Variants in PTCHD4 observed in about 807,000 individuals in gnomAD.
PTCHD4 encodes patched domain-containing protein 4.
PTCHD4 carries 33 observed loss-of-function variants against 58.1 expected under a neutral mutation model. That is an observed-to-expected ratio of 0.57 (90% confidence interval 0.43 to 0.76). The LOEUF (loss-of-function observed/expected upper bound fraction) is 0.76, where lower values mean the gene tolerates loss of function less well. Among genes scored for constraint, PTCHD4 ranks in the 30% least tolerant of loss-of-function variants. PTCHD4 has a pLI of 0.00. For synonymous variants in PTCHD4, 478 were observed against 409.6 expected, an observed-to-expected ratio of 1.17 and a Z score of -2.02; for missense variants, 1,058 against 1,027.1, an observed-to-expected ratio of 1.03 and a Z score of -0.41.
Position 48,052,878 on chromosome 6 carries a change from C to T in PTCHD4, c.417+15352G>A, listed in dbSNP as rs78587154. Reference sequence around the variant, plus strand: ...TATGTATCAAGGGATTTATAATTGCCGTTTAAAAATAATAAAAGAGGGAGT... The same window carrying T: ...TATGTATCAAGGGATTTATAATTGCTGTTTAAAAATAATAAAAGAGGGAGT... On this transcript the variant is annotated intron_variant, in intron 3 of 4. Transcript: ENST00000339488. Among the ~76,000 whole-genome samples, 973 of 151,984 alleles carry T rather than the reference C, an allele frequency of 6.4e-3. 9 individuals carry two copies. Among genetic ancestry groups the T allele is most frequent in the African/African-American group, 0.022 (908 of 41,458 alleles).
chr6:48,008,513 T>C, intron 4 of PTCHD4, 121 bp downstream of exon 4: 2 of 1,176,472 alleles, frequency 1.7e-6, no homozygotes, highest in Non-Finnish European at 2.3e-6. Flanking sequence ...AGTAAAATTT[T>C]ATGTAATGAC....
chr6:47,947,694 A>G (rs1446584696), intron 4 of PTCHD4, among the ~76,000 whole-genome samples: 1 of 152,092 alleles, frequency 6.6e-6, no homozygotes, highest in African/African-American at 2.4e-5. Context: ...AGCTGCTTTT[A>G]AACCGTTTTC....
chr6:47,967,175 G>C (rs1767326573), intron 4 of PTCHD4, among the ~76,000 whole-genome samples: 2 of 152,184 alleles, frequency 1.3e-5, no homozygotes, highest in Admixed American at 1.3e-4. Context: ...AATAGATATT[G>C]TGTTAGTAAG....
intron 4 of PTCHD4, chr6:47,901,590 T>C: frequency 3.8e-6 from 4 of 1,049,918 alleles, no homozygotes; most frequent in Non-Finnish European, 3.5e-6. Context: ...CCAATTTAGT[T>C]TCCCATGAGA....
At chr6:48,098,413 G>A (rs934660918) in intron 1 of PTCHD4, among the ~76,000 whole-genome samples, 1 of 149,506 alleles carries the variant, frequency 6.7e-6, no homozygotes, top group African/African-American at 2.5e-5. Flanking sequence ...ATCTCCGCTC[G>A]CTGCAACCTC....
At chr6:48,021,122 T>A (rs1763053922) in intron 3 of PTCHD4, among the ~76,000 whole-genome samples, 1 of 152,088 alleles carries the variant, frequency 6.6e-6, no homozygotes, top group Non-Finnish European at 1.5e-5. Flanking sequence ...TAAAAAATCC[T>A]ATTTTTAAAA....
At chr6:48,044,767 G>T (rs978678207) in intron 3 of PTCHD4, among the ~76,000 whole-genome samples, 3 of 151,730 alleles carry the variant, frequency 2.0e-5, no homozygotes, top group Non-Finnish European at 4.4e-5. Flanking sequence ...AAATGAATAA[G>T]ATAGGAATTT....
rs1054207452 is a variant in PTCHD4, at chr6:48,069,146, G to GC, written c.-190_-189insG. 7.1e-6 allele frequency among the ~76,000 whole-genome samples: 1 copy of GC among 140,028 alleles called. No homozygotes were observed. The highest frequency in any genetic ancestry group is 1.6e-5 in the Non-Finnish European group (1 of 63,932). 91.9% of individuals were successfully genotyped at this position (140,028 alleles called of 152,430 possible). ...GCAGACATGTGCCCCATAAAGGGGGGGGGGGCTGAGGGGGGGAGAGGAGGG... is the reference window on the plus strand; with the variant it reads ...GCAGACATGTGCCCCATAAAGGGGGGCGGGGGCTGAGGGGGGGAGAGGAGGG... On this transcript the variant is annotated 5_prime_UTR_variant, in exon 2 of 5. An upstream open reading frame in the 5' UTR gains an earlier in-frame stop. Coordinates refer to ENST00000339488, the MANE Select transcript of PTCHD4 (RefSeq NM_001384253.1).
chr6:47,904,994 G>T (rs1475525170), intron 4 of PTCHD4, among the ~76,000 whole-genome samples: 2 of 146,866 alleles, frequency 1.4e-5, no homozygotes, highest in African/African-American at 2.5e-5. Flanking sequence ...GATGTGCAAA[G>T]GTGGTAAAAT....
chr6:48,007,998 G>A (rs1015066917), intron 4 of PTCHD4, among the ~76,000 whole-genome samples: 1 of 151,854 alleles, frequency 6.6e-6, no homozygotes, highest in African/African-American at 2.4e-5. Context: ...GACCATTTAT[G>A]TATAGCTGGA....
chr6:47,875,426 T>A lies in PTCHD4; in HGVS notation c.*2877A>T, dbSNP rs1206720655. 2.0e-5 allele frequency among the ~76,000 whole-genome samples: 3 copies of A among 151,836 alleles called. No individual in the cohort carries two copies. Among genetic ancestry groups the A allele is most frequent in the South Asian group, 4.1e-4 (2 of 4,820 alleles). ...TCTGTTTCACAGTGAGGTTGGGAGGTCAGACGATGCTCTGTTAGATTCTTC... is the reference window on the plus strand; with the variant it reads ...TCTGTTTCACAGTGAGGTTGGGAGGACAGACGATGCTCTGTTAGATTCTTC... On this transcript the variant is annotated 3_prime_UTR_variant, in exon 5 of 5. Coordinates refer to ENST00000339488, the MANE Select transcript of PTCHD4 (RefSeq NM_001384253.1).
intron 4 of PTCHD4, among the ~76,000 whole-genome samples, chr6:47,986,738 A>G (rs938796678): frequency 6.6e-6 from 1 of 152,320 alleles, no homozygotes; most frequent in African/African-American, 2.4e-5. Context: ...ATATTTTTGA[A>G]CAGTAAATTG....
At chr6:47,930,087 T>G (rs73736806) in intron 4 of PTCHD4, among the ~76,000 whole-genome samples, 1,604 of 152,286 alleles carry the variant, frequency 0.011, 33 homozygotes, top group African/African-American at 0.037. Flanking sequence ...GCTGGGTCAG[T>G]GGCCTTAAAT....
rs530523004 is a variant in PTCHD4, at chr6:47,858,332, A to C, written c.*19971T>G. Among the ~76,000 whole-genome samples the C allele has an allele frequency of 1.3e-5, 2 of 152,178 alleles. No homozygotes were observed. The highest frequency in any genetic ancestry group is 4.1e-4 in the South Asian group (2 of 4,826). On this transcript the variant is annotated 3_prime_UTR_variant, in exon 5 of 5. Coordinates refer to ENST00000339488, the MANE Select transcript of PTCHD4 (RefSeq NM_001384253.1). ...ATAAATTTCTTCTGTAGAACAAAGT[A>C]ATGTGTATGAAAGACAATTAGATAT...
intron 4 of PTCHD4, among the ~76,000 whole-genome samples, chr6:47,966,947 C>T (rs1767317997): frequency 6.6e-6 from 1 of 152,166 alleles, no homozygotes; most frequent in African/African-American, 2.4e-5. Context: ...TTGGAATCAA[C>T]TTCTTCTAAA....
intron 4 of PTCHD4, among the ~76,000 whole-genome samples, chr6:47,904,846 A>G (rs1304599065): frequency 6.6e-6 from 1 of 152,216 alleles, no homozygotes; most frequent in Admixed American, 6.5e-5. Context: ...TCTAAATGCT[A>G]TGAAGAAAAG....
chr6:47,892,441 C>A (rs552334308), intron 4 of PTCHD4, among the ~76,000 whole-genome samples: 99 of 152,272 alleles, frequency 6.5e-4, no homozygotes, highest in Non-Finnish European at 1.1e-3. Flanking sequence ...GGTAAAATGT[C>A]ATCACTTTAA....
intron 3 of PTCHD4, among the ~76,000 whole-genome samples, chr6:48,043,423 G>GC (rs1470736864): frequency 3.3e-5 from 5 of 151,732 alleles, no homozygotes; most frequent in Non-Finnish European, 7.4e-5. Context: ...CTGAAAGGCA[G>GC]CGTTTTTTTG....
intron 4 of PTCHD4, among the ~76,000 whole-genome samples, chr6:47,973,190 C>T (rs1470214316): frequency 6.6e-6 from 1 of 152,064 alleles, no homozygotes; most frequent in Non-Finnish European, 1.5e-5. Flanking sequence ...GGATATTTTA[C>T]TATAATTAAT....
Sources: gnomAD v4.1 joint callset for allele counts (sites outside exome capture counted in the v4.1 genomes callset) on GRCh38, gnomAD v4.1.1 for gene constraint, MANE v1.5 for transcripts, NCBI Gene and HGNC (gene_info 2026-07-23, HGNC 2026-07-21) for gene names.